The following HPSE2 variants were observed in gnomAD, a reference collection of about 807,000 sequenced individuals.
HPSE2 encodes heparanase 2 (inactive).
HPSE2 carries 38 observed loss-of-function variants against 60.5 expected under a neutral mutation model. The ratio of observed to expected loss-of-function variants is 0.63; its 90% CI spans 0.48 to 0.82. The LOEUF is 0.82. HPSE2 is among the 40% of genes least tolerant of loss of function. The pLI, the probability that HPSE2 is intolerant of heterozygous loss-of-function variation, is 0.00. For synonymous variants in HPSE2, 295 were observed against 293.2 expected (o/e 1.01, Z -0.06); for missense variants, 713 against 740.4 (o/e 0.96, Z 0.43).
At chr10:99,097,628 T>G (rs1843764250) in intron 3 of HPSE2, among the ~76,000 whole-genome samples, 1 of 152,220 alleles carries the variant, frequency 6.6e-6, no homozygotes. Context: ...TTTAAAATTA[T>G]TTTCTTAAAC....
At chr10:98,495,611 G>A (rs887009156) in intron 9 of HPSE2, among the ~76,000 whole-genome samples, 1 of 151,684 alleles carries the variant, frequency 6.6e-6, no homozygotes, top group African/African-American at 2.4e-5. Flanking sequence ...AATTTCCACT[G>A]TCTTTGAATT....
At chr10:99,278,039 G>A in the HPSE2 span, among the ~76,000 whole-genome samples, 3 of 147,760 alleles carry the variant, frequency 2.0e-5, no homozygotes, top group Admixed American at 1.4e-4. Context: ...GGAGGTTTCA[G>A]TGAGCCAAGA....
At chr10:99,048,478 T>G (rs1320429946) in intron 3 of HPSE2, among the ~76,000 whole-genome samples, 1 of 151,866 alleles carries the variant, frequency 6.6e-6, no homozygotes. Flanking sequence ...TATGAAAACA[T>G]GCTCACTGTC....
intron 3 of HPSE2, among the ~76,000 whole-genome samples, chr10:98,869,154 T>C (rs932487776): frequency 6.6e-6 from 1 of 152,154 alleles, no homozygotes. Context: ...GTGATTTTTT[T>C]TTGTCTGCTT....
At chr10:98,854,887 A>T (rs969508588) in intron 3 of HPSE2, among the ~76,000 whole-genome samples, 1 of 152,218 alleles carries the variant, frequency 6.6e-6, no homozygotes, top group South Asian at 2.1e-4. Flanking sequence ...AAGGGAAAAA[A>T]ATTAATCATT....
At chr10:98,808,082 G>A (rs917693553) in intron 3 of HPSE2, among the ~76,000 whole-genome samples, 122 of 152,216 alleles carry the variant, frequency 8.0e-4, no homozygotes, top group African/African-American at 2.7e-3. Flanking sequence ...TTTTTCACAA[G>A]CTCCTATGGG....
At position 98,490,196 on chromosome 10, in the gene HPSE2, C is replaced by T. The variant is rs758012313; in HGVS notation, c.1321G>A (p.Asp441Asn). ...TTGTAGAGGAGAGAGAGCCAGTAGT[C>T]CTGAGGAGAATAGAGAGGGAGAGGG... is the stretch of plus-strand genomic sequence containing the variant. ...LVDQNFNPLPDYWLSLLYKRL... is the reference protein window; with the variant it reads ...LVDQNFNPLPNYWLSLLYKRL... The change falls in exon 10 of 12, where the codon GAC (aspartate) becomes AAC (asparagine). Residue 441 changes from aspartate (D) to asparagine (N), a missense_variant and splice_region_variant. Asp to Asn is a conservative substitution (Grantham distance 23, BLOSUM62 1). Transcript: ENST00000370552. 11 of 1,613,942 alleles carry T rather than the reference C, an allele frequency of 6.8e-6. No homozygotes were observed. The highest frequency in any genetic ancestry group is 1.7e-4 in the Middle Eastern group (1 of 6,054).
intron 3 of HPSE2, among the ~76,000 whole-genome samples, chr10:98,899,186 T>C (rs1195442294): frequency 6.6e-6 from 1 of 152,218 alleles, no homozygotes; most frequent in Admixed American, 6.5e-5. Context: ...GCAAACGACA[T>C]GTAAACAAGA....
At chr10:99,237,664 G>A (rs963250976), upstream of HPSE2, among the ~76,000 whole-genome samples, 3 of 152,156 alleles carry the variant, frequency 2.0e-5, no homozygotes, top group African/African-American at 7.2e-5. Context: ...TTGGATGTTG[G>A]CTCCAGCCCT....
chr10:99,083,966 C>CTTTTTT lies in HPSE2; in HGVS notation c.610+60266_610+60271dup, dbSNP rs34799799. Among the ~76,000 whole-genome samples, 157 of 79,754 alleles carry CTTTTTT rather than the reference C, an allele frequency of 2.0e-3. 7 individuals are homozygous for CTTTTTT. Among genetic ancestry groups the CTTTTTT allele is most frequent in the East Asian group, 4.7e-3 (12 of 2,576 alleles). 52.3% of individuals were successfully genotyped at this position (79,754 alleles called of 152,430 possible). A position where few individuals can be genotyped will look rare whatever the true frequency, so the allele number is the denominator to read the frequency against. ...AAACCATATGGGAATGTGTGAAAGCCTTTTTTTTTTTTTTTTTTTTTTTTT... is the reference window on the plus strand; with the variant it reads ...AAACCATATGGGAATGTGTGAAAGCCTTTTTTTTTTTTTTTTTTTTTTTTTTTTTTT... On this transcript the variant is annotated intron_variant, in intron 3 of 11. Coordinates refer to ENST00000370552, the MANE Select transcript of HPSE2 (RefSeq NM_021828.5).
chr10:98,665,561 GA>G (rs1175791195), intron 6 of HPSE2, among the ~76,000 whole-genome samples: 2 of 152,150 alleles, frequency 1.3e-5, no homozygotes, highest in African/African-American at 4.8e-5. Flanking sequence ...TTTACAAAGG[GA>G]ACCCCATCAG....
intron 3 of HPSE2, among the ~76,000 whole-genome samples, chr10:98,813,969 C>A (rs1234002712): frequency 6.6e-6 from 1 of 152,056 alleles, no homozygotes; most frequent in Non-Finnish European, 1.5e-5. Context: ...ATCATTTCAA[C>A]CCCTTGAGGT....
At chr10:98,844,802 A>C (rs920704699) in intron 3 of HPSE2, among the ~76,000 whole-genome samples, 1 of 152,246 alleles carries the variant, frequency 6.6e-6, no homozygotes, top group African/African-American at 2.4e-5. Context: ...AGAAACAGGT[A>C]GCAGTATTCC....
chr10:98,762,426 A>G (rs1272134389), intron 3 of HPSE2, among the ~76,000 whole-genome samples: 1 of 152,182 alleles, frequency 6.6e-6, no homozygotes, highest in Admixed American at 6.5e-5. Context: ...AGGATTCCCA[A>G]GAAGAGAACA....
At chr10:98,770,417 T>C (rs1386110739) in intron 3 of HPSE2, among the ~76,000 whole-genome samples, 2 of 152,216 alleles carry the variant, frequency 1.3e-5, no homozygotes, top group African/African-American at 2.4e-5. Flanking sequence ...AACTGATTAA[T>C]GGTTCTAGCT....
chr10:98,705,382 T>C (rs540790113), intron 5 of HPSE2, among the ~76,000 whole-genome samples: 1 of 152,310 alleles, frequency 6.6e-6, no homozygotes, highest in African/African-American at 2.4e-5. Context: ...GAAATACCAT[T>C]TGACCTAGCC....
Position 98,597,829 on chromosome 10 carries a change from G to A in HPSE2, c.1320+17075C>T, listed in dbSNP as rs181547162. Among the ~76,000 whole-genome samples, 649 of 151,466 alleles carry A rather than the reference G, an allele frequency of 4.3e-3. 2 individuals carry two copies. Among genetic ancestry groups the A allele is most frequent in the African/African-American group, 0.015 (625 of 41,282 alleles). On this transcript the variant is annotated intron_variant, in intron 9 of 11. Transcript: ENST00000370552. ...CTACTAAAAATACAAAAATTAGCTG[G>A]GCATGGTGGTGCGTGGCTGTAATCC...
In HPSE2 at chr10:99,205,695, G is replaced by A. The variant is rs115155845; in HGVS notation, c.448+26653C>T. Among the ~76,000 whole-genome samples the A allele has an allele frequency of 3.3e-3, 500 of 152,276 alleles. 1 individual carries two copies. Among genetic ancestry groups the A allele is most frequent in the African/African-American group, 0.011 (452 of 41,556 alleles). ...TGGACACGCCAATTCACAGTCAAAA[G>A]AAATGTAAAAAGATATAAAATGCAG... On this transcript the variant is annotated intron_variant, in intron 2 of 11. Coordinates refer to ENST00000370552, the MANE Select transcript of HPSE2 (RefSeq NM_021828.5).
chr10:99,224,322 T>A lies in HPSE2; in HGVS notation c.448+8026A>T, dbSNP rs550061770. On this transcript the variant is annotated intron_variant, in intron 2 of 11. Coordinates refer to ENST00000370552, the MANE Select transcript of HPSE2 (RefSeq NM_021828.5). ...AGCACTAACCACTAGTCAAGAAATATGTCTTCACTTTGCCTAAATTACCAC... is the reference window on the plus strand; with the variant it reads ...AGCACTAACCACTAGTCAAGAAATAAGTCTTCACTTTGCCTAAATTACCAC... Among the ~76,000 whole-genome samples the A allele has an allele frequency of 4.6e-5, 7 of 152,078 alleles. No individual in the cohort carries two copies. In the South Asian group the frequency reaches 1.5e-3, roughly 32 times the overall value.
Sources: allele counts gnomAD v4.1 joint callset (sites outside exome capture counted in the v4.1 genomes callset), GRCh38; gene constraint gnomAD v4.1.1; transcripts MANE v1.5; gene names NCBI Gene and HGNC (gene_info 2026-07-23, HGNC 2026-07-21).